The following DPF3 variants were observed in gnomAD, a reference collection of about 807,000 sequenced individuals.
DPF3 encodes zinc finger protein DPF3.
DPF3 carries 18 observed loss-of-function variants against 56.8 expected under a neutral mutation model. That is an observed-to-expected ratio of 0.32 (90% CI 0.22 to 0.47). The LOEUF is 0.47. Among genes scored for constraint, DPF3 ranks in the 20% least tolerant of loss-of-function variants. The probability of loss-of-function intolerance (pLI) is 1.00; values close to 1 mark genes in which losing one functional copy is unlikely to be tolerated. For missense variants in DPF3, 403 were observed against 488.8 expected (o/e 0.82, Z 1.65); for synonymous variants, 188 against 180.2 (o/e 1.04, Z -0.35).
At chr14:72,891,394 C>T (rs1330519792) in intron 1 of DPF3, among the ~76,000 whole-genome samples, 2 of 149,898 alleles carry the variant, frequency 1.3e-5, no homozygotes, top group Non-Finnish European at 2.9e-5. Context: ...GTTTCATTGT[C>T]AGGAGGGACA....
intron 1 of DPF3, among the ~76,000 whole-genome samples, chr14:72,845,655 G>A (rs1246615731): frequency 6.6e-6 from 1 of 152,184 alleles, no homozygotes; most frequent in African/African-American, 2.4e-5. Flanking sequence ...CCAAGACCTG[G>A]AGGATAAAAG....
chr14:72,739,077 C>CA (rs1447351875), intron 3 of DPF3, among the ~76,000 whole-genome samples: 2 of 151,394 alleles, frequency 1.3e-5, no homozygotes, highest in Non-Finnish European at 1.5e-5. Context: ...CCATTTCTAC[C>CA]AAAAAAACAC....
chr14:72,756,953 G>GA (rs1567223116), intron 2 of DPF3, among the ~76,000 whole-genome samples: 39 of 103,188 alleles, frequency 3.8e-4, no homozygotes, highest in African/African-American at 8.0e-4. Flanking sequence ...GAGAAAGGGA[G>GA]AGGGAAAGAG....
At chr14:72,850,449 G>A (rs1312418377) in intron 1 of DPF3, among the ~76,000 whole-genome samples, 1 of 152,196 alleles carries the variant, frequency 6.6e-6, no homozygotes, top group Non-Finnish European at 1.5e-5. Context: ...AAGGCAAAGA[G>A]AAATTAGTCC....
At chr14:72,676,005 C>G (rs1302147495) in intron 7 of DPF3, among the ~76,000 whole-genome samples, 1 of 152,200 alleles carries the variant, frequency 6.6e-6, no homozygotes, top group Non-Finnish European at 1.5e-5. Flanking sequence ...ACCAGAGTCC[C>G]CTTCTCCCTT....
At chr14:72,677,646 G>A (rs1449925572) in intron 7 of DPF3, among the ~76,000 whole-genome samples, 1 of 152,178 alleles carries the variant, frequency 6.6e-6, no homozygotes, top group East Asian at 1.9e-4. Context: ...AGGGATGGCA[G>A]GGATGTTAGT....
intron 4 of DPF3, among the ~76,000 whole-genome samples, chr14:72,729,090 A>C (rs936778506): frequency 3.3e-5 from 5 of 152,196 alleles, no homozygotes; most frequent in Admixed American, 3.3e-4. Flanking sequence ...TCTACTAAAA[A>C]TACAAAAATC....
chr14:72,638,929 G>A (rs1336395981), intron 8 of DPF3, among the ~76,000 whole-genome samples: 1 of 150,898 alleles, frequency 6.6e-6, no homozygotes, highest in Non-Finnish European at 1.5e-5. Flanking sequence ...CCATTCTCCT[G>A]CCTCAGCCTC....
At position 72,611,088 on chromosome 14, in the gene DPF3, G is replaced by A. The variant is rs1173235602; in HGVS notation, c.*8209C>T. Among the ~76,000 whole-genome samples the A allele has an allele frequency of 6.6e-6, 1 of 152,042 alleles. No homozygotes were observed. The highest frequency in any genetic ancestry group is 1.5e-5 in the Non-Finnish European group (1 of 68,016). Reference sequence around the variant, plus strand: ...TCACTGGGAGTCATGTGCCATCCAGGGCCCCAGAGGAGCCTTCCCTTGGGC... The same window carrying A: ...TCACTGGGAGTCATGTGCCATCCAGAGCCCCAGAGGAGCCTTCCCTTGGGC... On this transcript the variant is annotated 3_prime_UTR_variant, in exon 11 of 11. Coordinates refer to ENST00000556509, the MANE Select transcript of DPF3 (RefSeq NM_001280542.3).
intron 1 of DPF3, chr14:72,879,695 G>C: frequency 7.4e-7 from 1 of 1,351,990 alleles, no homozygotes. Flanking sequence ...CAAGCAGTTT[G>C]CTCAGACACC....
chr14:72,676,471 A>G (rs943619372), intron 7 of DPF3, among the ~76,000 whole-genome samples: 1 of 152,218 alleles, frequency 6.6e-6, no homozygotes, highest in Non-Finnish European at 1.5e-5. Context: ...TAAGTAAAAT[A>G]TAGAGTATAA....
intron 1 of DPF3, among the ~76,000 whole-genome samples, chr14:72,887,665 T>C (rs990341378): frequency 3.7e-5 from 5 of 136,568 alleles, no homozygotes; most frequent in Non-Finnish European, 6.3e-5. Flanking sequence ...TACATCACCA[T>C]CATAAAGACA....
intron 8 of DPF3, among the ~76,000 whole-genome samples, chr14:72,663,427 G>A (rs1367203408): frequency 2.0e-5 from 3 of 152,066 alleles, no homozygotes; most frequent in Admixed American, 1.3e-4. Flanking sequence ...TGATTCAAGT[G>A]TGTCAGAGTT....
At chr14:72,740,416 G>T (rs1364228769) in intron 3 of DPF3, among the ~76,000 whole-genome samples, 1 of 152,206 alleles carries the variant, frequency 6.6e-6, no homozygotes, top group Middle Eastern at 3.2e-3. Context: ...TAATGAGTTT[G>T]GTGCTTGGGG....
intron 1 of DPF3, among the ~76,000 whole-genome samples, chr14:72,863,567 A>C (rs1885540590): frequency 6.6e-6 from 1 of 151,876 alleles, no homozygotes; most frequent in Non-Finnish European, 1.5e-5. Context: ...AAAAAAAAAA[A>C]AAAAAAAGCA....
At chr14:72,645,384 C>G (rs950911717) in intron 8 of DPF3, among the ~76,000 whole-genome samples, 1 of 151,834 alleles carries the variant, frequency 6.6e-6, no homozygotes, top group African/African-American at 2.4e-5. Flanking sequence ...ACTGCACCTG[C>G]CGCCTCCTTG....
intron 6 of DPF3, among the ~76,000 whole-genome samples, chr14:72,705,940 A>T (rs1888385991): frequency 1.3e-5 from 2 of 151,756 alleles, no homozygotes; most frequent in East Asian, 3.9e-4. Flanking sequence ...TGAGAGAGAG[A>T]AAAAAAAAGA....
intron 3 of DPF3, among the ~76,000 whole-genome samples, chr14:72,752,037 G>C (rs200265330): frequency 2.6e-5 from 4 of 152,260 alleles, no homozygotes; most frequent in African/African-American, 9.6e-5. Flanking sequence ...GGATTGAAGC[G>C]AACAATCAAA....
At chr14:72,886,009 G>T (rs1052939067) in intron 1 of DPF3, among the ~76,000 whole-genome samples, 1 of 152,176 alleles carries the variant, frequency 6.6e-6, no homozygotes, top group Admixed American at 6.5e-5. Flanking sequence ...TGGTTCCCAG[G>T]GATGGTAGGA....
Sources: allele counts gnomAD v4.1 joint callset (sites outside exome capture counted in the v4.1 genomes callset), GRCh38; gene constraint gnomAD v4.1.1; transcripts MANE v1.5; gene names NCBI Gene and HGNC (gene_info 2026-07-23, HGNC 2026-07-21).